The following HHIPL1 variants were observed in gnomAD, a reference collection of about 807,000 sequenced individuals.
The protein encoded by HHIPL1 is HHIP like 1.
Under a neutral mutation model 61.8 loss-of-function variants are expected in HHIPL1, and 43 were observed. The observed-to-expected ratio is 0.70, with a 90% CI of 0.55 to 0.90. HHIPL1 has a LOEUF of 0.90. Ranked by LOEUF, HHIPL1 falls within the 40% of genes least tolerant of loss-of-function variation. The probability of loss-of-function intolerance (pLI) is 0.00; values close to 1 mark genes in which losing one functional copy is unlikely to be tolerated. For synonymous variants in HHIPL1, 482 were observed against 515.8 expected, an observed-to-expected ratio of 0.93 and a Z score of 0.89; for missense variants, 1,056 against 1,157.7, an observed-to-expected ratio of 0.91 and a Z score of 1.28.
Position 99,668,437 on chromosome 14 carries a change from G to C in HHIPL1, c.1730+134G>C. On this transcript the variant is annotated intron_variant, in intron 7 of 8. Transcript: ENST00000330710. The surrounding 1 kb of genome is among the most constrained non-coding windows in gnomAD (Gnocchi z 4.7). ...TTTCAGACAAGAACCCTGAGGCCCA[G>C]AGAGGGACGTGATTTGCCTCAGTTC... The C allele has an allele frequency of 1.5e-6, 1 of 652,092 alleles. No individual in the cohort carries two copies. The highest frequency in any genetic ancestry group is 1.7e-5 in the South Asian group (1 of 57,656). 40.4% of individuals were successfully genotyped at this position (652,092 alleles called of 1,614,324 possible).
chr14:99,650,204 G>A (rs759251335), intron 1 of HHIPL1, among the ~76,000 whole-genome samples: 43 of 152,330 alleles, frequency 2.8e-4, no homozygotes, highest in Non-Finnish European at 5.0e-4. Flanking sequence ...AACACCCCGG[G>A]AGGCAGCCTG....
the HHIPL1 span, among the ~76,000 whole-genome samples, chr14:99,632,223 G>A: frequency 6.6e-6 from 1 of 152,166 alleles, no homozygotes; most frequent in Non-Finnish European, 1.5e-5. Flanking sequence ...TGAGAATCCC[G>A]AACTCTTGCA....
the HHIPL1 span, among the ~76,000 whole-genome samples, chr14:99,637,126 A>AAAAGAAAGAAAAG: frequency 2.4e-5 from 3 of 126,292 alleles, no homozygotes; most frequent in Non-Finnish European, 3.4e-5. Context: ...AAAGAAAAGA[A>AAAAGAAAGAAAAG]AGAGAGAGAG....
chr14:99,675,916 C>T lies in HHIPL1; in HGVS notation c.*290C>T, dbSNP rs1027696330. 2.2e-5 allele frequency: 8 copies of T among 364,402 alleles called. No individual in the cohort carries two copies. The highest frequency in any genetic ancestry group is 9.3e-5 in the Admixed American group (2 of 21,620). 22.6% of individuals were successfully genotyped at this position (364,402 alleles called of 1,614,324 possible). ...TTCAGACACCAGCAGGAACAGCAGC[C>T]GGGCTGTGGGACCCTGAGGAGGGAG... is the stretch of plus-strand genomic sequence containing the variant. On this transcript the variant is annotated 3_prime_UTR_variant, in exon 9 of 9. Transcript: ENST00000330710. This position sits in a 1 kb window ranked among gnomAD's most constrained non-coding sequence, Gnocchi z 5.4.
intron 6 of HHIPL1, among the ~76,000 whole-genome samples, chr14:99,665,225 T>G (rs2056224966): frequency 6.6e-6 from 1 of 152,178 alleles, no homozygotes; most frequent in African/African-American, 2.4e-5. Flanking sequence ...TTGTCCATTT[T>G]TATGCTCAGG....
At chr14:99,640,874 CTTCTTTTTTTTTT>C (rs982794006), upstream of HHIPL1, among the ~76,000 whole-genome samples, 1 of 93,930 alleles carries the variant, frequency 1.1e-5, no homozygotes, top group African/African-American at 4.3e-5. Flanking sequence ...TTTACTTCTT[CTTCTTTTTTTTTT>C]TTTTTTTTTT....
In HHIPL1 at chr14:99,677,359, AGCCTGGCTG is replaced by A. The variant is rs2056401759; in HGVS notation, c.*1735_*1743del. The A allele has an allele frequency of 6.6e-6, 1 of 152,246 alleles. No individual in the cohort carries two copies. Among genetic ancestry groups the A allele is most frequent in the African/African-American group, 2.4e-5 (1 of 41,428 alleles). 9.4% of individuals were successfully genotyped at this position (152,246 alleles called of 1,614,324 possible). On this transcript the variant is annotated 3_prime_UTR_variant, in exon 9 of 9. Coordinates refer to ENST00000330710, the MANE Select transcript of HHIPL1 (RefSeq NM_001127258.3). The surrounding 1 kb of genome is among the most constrained non-coding windows in gnomAD (Gnocchi z 4.3). ...GGCTCCTGCCTGGTGTGGGAGTGCC[AGCCTGGCTG>A]GGAAGCAGCTGATGGAGATCCCTGG... is the stretch of plus-strand genomic sequence containing the variant.
intron 1 of HHIPL1, among the ~76,000 whole-genome samples, chr14:99,651,629 C>T (rs150301601): frequency 6.6e-5 from 10 of 152,250 alleles, no homozygotes; most frequent in South Asian, 4.2e-4. Context: ...CAATTCTACA[C>T]GAGATTTGGG....
the HHIPL1 span, among the ~76,000 whole-genome samples, chr14:99,608,432 A>G: frequency 6.6e-5 from 10 of 152,274 alleles, no homozygotes; most frequent in East Asian, 1.7e-3. Context: ...AGGATTGAAC[A>G]TGGGTTCTTA....
At chr14:99,674,553 C>G (rs867045633) in intron 8 of HHIPL1, among the ~76,000 whole-genome samples, 12 of 152,158 alleles carry the variant, frequency 7.9e-5, no homozygotes, top group African/African-American at 2.9e-4. Context: ...CCCAGGGATC[C>G]CTGTGTGTAT....
At chr14:99,634,602 G>C in the HHIPL1 span, among the ~76,000 whole-genome samples, 22 of 152,354 alleles carry the variant, frequency 1.4e-4, no homozygotes, top group African/African-American at 5.0e-4. Context: ...CAGAGCATGG[G>C]AAGTGTTAGA....
At chr14:99,666,177 G>A (rs1390908019) in intron 6 of HHIPL1, among the ~76,000 whole-genome samples, 1 of 152,224 alleles carries the variant, frequency 6.6e-6, no homozygotes, top group Non-Finnish European at 1.5e-5. Flanking sequence ...GGGGAAATGT[G>A]TGCTGGTTTC....
intron 3 of HHIPL1, among the ~76,000 whole-genome samples, chr14:99,657,708 TAC>T (rs554733882): frequency 8.6e-5 from 13 of 151,856 alleles, no homozygotes; most frequent in South Asian, 4.2e-4. Flanking sequence ...CAAATATGCA[TAC>T]ACACACATGT....
the HHIPL1 span, among the ~76,000 whole-genome samples, chr14:99,635,604 C>T: frequency 1.3e-5 from 2 of 152,134 alleles, no homozygotes; most frequent in African/African-American, 4.8e-5. Flanking sequence ...AAGAGTCAGG[C>T]TCCCCTTTCA....
upstream of HHIPL1, among the ~76,000 whole-genome samples, chr14:99,644,042 C>T (rs2055787931): frequency 6.6e-6 from 1 of 152,208 alleles, no homozygotes; most frequent in Non-Finnish European, 1.5e-5. Context: ...GTTTCAAATA[C>T]TCAGAGATGT....
At chr14:99,653,365 C>A (rs1324172335) in intron 2 of HHIPL1, among the ~76,000 whole-genome samples, 2 of 123,772 alleles carry the variant, frequency 1.6e-5, no homozygotes, top group African/African-American at 5.6e-5. Context: ...TGGAGTCTCA[C>A]TCTGTTGCCG....
Position 99,668,650 on chromosome 14 carries a change from G to C in HHIPL1, c.1730+347G>C, listed in dbSNP as rs1014524236. 3.9e-5 allele frequency among the ~76,000 whole-genome samples: 6 copies of C among 151,962 alleles called. No homozygotes were observed. The highest frequency in any genetic ancestry group is 2.1e-4 in the South Asian group (1 of 4,814). ...GCAGGCCCCTCATTCCTCATTTCCT[G>C]GGCTGCCCCTGCACCCCCACACCCC... On this transcript the variant is annotated intron_variant, in intron 7 of 8. Coordinates refer to ENST00000330710, the MANE Select transcript of HHIPL1 (RefSeq NM_001127258.3). This position sits in a 1 kb window ranked among gnomAD's most constrained non-coding sequence, Gnocchi z 4.7.
At chr14:99,632,465 C>T in the HHIPL1 span, among the ~76,000 whole-genome samples, 3 of 152,182 alleles carry the variant, frequency 2.0e-5, no homozygotes, top group Admixed American at 1.3e-4. Context: ...CCGCTGAGAA[C>T]ATCCAGTCCT....
the HHIPL1 span, among the ~76,000 whole-genome samples, chr14:99,612,817 G>T: frequency 1.3e-5 from 2 of 152,112 alleles, no homozygotes; most frequent in Non-Finnish European, 2.9e-5. Flanking sequence ...TCTGGGTCAG[G>T]TACCTCCAGC....
Sources: gnomAD v4.1 joint callset for allele counts (sites outside exome capture counted in the v4.1 genomes callset) on GRCh38, gnomAD v4.1.1 for gene constraint, Gnocchi (gnomAD v3.1) non-coding constraint, MANE v1.5 for transcripts, NCBI Gene and HGNC (gene_info 2026-07-23, HGNC 2026-07-21) for gene names.